ADA2: variants seen among roughly 807,000 people sequenced by gnomAD.
ADA2 encodes adenosine deaminase 2.
A neutral mutation model predicts 44.2 loss-of-function variants in ADA2; 29 were observed. The ratio of observed to expected loss-of-function variants is 0.66; its 90% confidence interval spans 0.49 to 0.89. The LOEUF (loss-of-function observed/expected upper bound fraction) is 0.89. ADA2 is among the 40% of genes least tolerant of loss of function. ADA2 has a pLI of 0.00. For missense variants in ADA2, 637 were observed against 644.8 expected, an observed-to-expected ratio of 0.99 and a Z score of 0.13; for synonymous variants, 215 against 234.9, an observed-to-expected ratio of 0.92 and a Z score of 0.77.
chr22:17,181,798 T>C (rs1247091032), intron 9 of ADA2, 22 bp downstream of exon 9: 1 of 1,603,842 alleles, frequency 6.2e-7, no homozygotes. Flanking sequence ...GCGGGGGACC[T>C]GGGAGGACAC....
At chr22:17,207,853 G>T (rs1213673457) in intron 2 of ADA2, among the ~76,000 whole-genome samples, 2 of 152,094 alleles carry the variant, frequency 1.3e-5, no homozygotes, top group African/African-American at 4.8e-5. Flanking sequence ...TCTCCCACTG[G>T]CTTTTCATCC....
intron 4 of ADA2, among the ~76,000 whole-genome samples, chr22:17,197,416 C>T (rs898187299): frequency 7.2e-5 from 11 of 152,020 alleles, no homozygotes; most frequent in African/African-American, 2.7e-4. Flanking sequence ...TGCATACCAC[C>T]ATACCTGGCT....
intron 4 of ADA2, chr22:17,198,553 A>C (rs2062223172): frequency 6.6e-6 from 1 of 152,226 alleles, no homozygotes; most frequent in African/African-American, 2.4e-5. Flanking sequence ...AGGCAAAAGC[A>C]TGGGGGCTGG....
chr22:17,207,219 G>A lies in ADA2; in HGVS notation c.394C>T (p.Pro132Ser), dbSNP rs2062363524. The change falls in exon 3 of 10, where the codon CCT (proline) becomes TCT (serine). Residue 132 changes from proline to serine, a missense_variant. Pro to Ser is a moderately conservative substitution (Grantham distance 74). Transcript: ENST00000399837. ...DWLVRNVTYR[P>S]HCHICFTPRG... ...GGGGTGAAACAGATGTGGCAGTGAG[G>A]CCTGTAGGTGACATTCCTCACCAGC... 6.2e-7 allele frequency: 1 copy of A among 1,614,006 alleles called. No individual in the cohort carries two copies. Among genetic ancestry groups the A allele is most frequent in the African/African-American group, 1.3e-5 (1 of 75,074 alleles).
At chr22:17,206,412 AGGC>A (rs1246956674) in intron 3 of ADA2, among the ~76,000 whole-genome samples, 3 of 25,992 alleles carry the variant, frequency 1.2e-4, no homozygotes, top group African/African-American at 3.9e-4. Flanking sequence ...AGCCAAGATC[AGGC>A]TGCTGTGAGC....
chr22:17,205,011 GTCTT>G (rs1011275445), intron 3 of ADA2, among the ~76,000 whole-genome samples: 16 of 149,984 alleles, frequency 1.1e-4, no homozygotes, highest in Non-Finnish European at 2.2e-4. Context: ...GCCCAGACTG[GTCTT>G]TCTTTCTTTC....
intron 4 of ADA2, among the ~76,000 whole-genome samples, chr22:17,194,332 T>C (rs188370089): frequency 6.6e-6 from 1 of 152,246 alleles, no homozygotes; most frequent in Non-Finnish European, 1.5e-5. Flanking sequence ...CCTCTGCTCA[T>C]TTCCCACCAG....
chr22:17,191,732 C>T lies in ADA2; in HGVS notation c.832G>A (p.Glu278Lys), dbSNP rs1224892373. Residue 278 changes from glutamate (E) to lysine (K), a missense_variant, in exon 5 of 10, where the codon GAA becomes AAA. Glu to Lys is a moderately conservative substitution (Grantham distance 56). Transcript: ENST00000399837. ...TYQEVAQKFV[E>K]THPEFIGIKI... is the part of the protein sequence containing the mutation. ...ATTCCAATAAACTCAGGGTGAGTTTCCACAAACTTCTGAGCTACTTCCTGG... is the reference window on the plus strand; with the variant it reads ...ATTCCAATAAACTCAGGGTGAGTTTTCACAAACTTCTGAGCTACTTCCTGG... The T allele has an allele frequency of 1.2e-6, 2 of 1,613,644 alleles. No individual in the cohort carries two copies. The highest frequency in any genetic ancestry group is 4.5e-5 in the East Asian group (2 of 44,884).
At chr22:17,216,767 A>AC (rs781086314) in intron 1 of ADA2, among the ~76,000 whole-genome samples, 1,925 of 103,382 alleles carry the variant, frequency 0.019, 21 homozygotes, top group East Asian at 0.032. Flanking sequence ...TCAAAAAAAA[A>AC]AAAAACACAC....
At position 17,181,468 on chromosome 22, in the gene ADA2, C is replaced by G. The variant is rs1464707020; in HGVS notation, c.*15G>C. 1.3e-6 allele frequency: 2 copies of G among 1,548,608 alleles called. No individual in the cohort carries two copies. Among genetic ancestry groups the G allele is most frequent in the East Asian group, 2.2e-5 (1 of 44,582 alleles). On this transcript the variant is annotated 3_prime_UTR_variant, in exon 10 of 10. Transcript: ENST00000399837. ...GTGCAAGAAGACAGCTTGTAGAGGGCTGGCTAGCTTCTCCTCACTTTGTAG... is the reference window on the plus strand; with the variant it reads ...GTGCAAGAAGACAGCTTGTAGAGGGGTGGCTAGCTTCTCCTCACTTTGTAG...
intron 4 of ADA2, among the ~76,000 whole-genome samples, chr22:17,194,711 CTGCCAGAGCG>C (rs2062168357): frequency 1.3e-5 from 2 of 152,116 alleles, no homozygotes; most frequent in East Asian, 3.9e-4. Context: ...AACTTTAAGG[CTGCCAGAGCG>C]TGCCAGAAGG....
chr22:17,193,265 G>C (rs909945732), intron 4 of ADA2: 1 of 710,820 alleles, frequency 1.4e-6, no homozygotes, highest in African/African-American at 1.9e-5. Flanking sequence ...CTGGTCATCA[G>C]AGTCACCAAC....
intron 4 of ADA2, among the ~76,000 whole-genome samples, chr22:17,195,484 G>A (rs1435693295): frequency 2.6e-5 from 4 of 151,700 alleles, no homozygotes; most frequent in Admixed American, 6.6e-5. Flanking sequence ...AGCTGAGATC[G>A]CGCCACTGCA....
chr22:17,194,105 G>T (rs1218793461), intron 4 of ADA2, among the ~76,000 whole-genome samples: 4 of 152,180 alleles, frequency 2.6e-5, no homozygotes, highest in Admixed American at 2.0e-4. Context: ...GTTGTGACTG[G>T]ATGGGTCAGA....
intron 3 of ADA2, among the ~76,000 whole-genome samples, chr22:17,204,506 C>T (rs1266675651): frequency 1.3e-5 from 2 of 151,944 alleles, no homozygotes; most frequent in African/African-American, 4.8e-5. Flanking sequence ...ATCCCAGTTA[C>T]TAGGGAGGCA....
intron 1 of ADA2, among the ~76,000 whole-genome samples, chr22:17,210,105 T>G (rs1478095463): frequency 2.0e-5 from 3 of 151,890 alleles, no homozygotes; most frequent in African/African-American, 7.3e-5. Context: ...TTAGACAGGA[T>G]GGTCACGATC....
At chr22:17,212,181 C>A (rs538079776) in intron 1 of ADA2, among the ~76,000 whole-genome samples, 2 of 151,618 alleles carry the variant, frequency 1.3e-5, no homozygotes, top group African/African-American at 4.8e-5. Flanking sequence ...CGTGCCACCA[C>A]GCCCGGCTAA....
chr22:17,218,421 C>T (rs1348278029), intron 1 of ADA2, among the ~76,000 whole-genome samples: 2 of 152,086 alleles, frequency 1.3e-5, no homozygotes, highest in African/African-American at 4.8e-5. Flanking sequence ...CAGCAGAACC[C>T]CTTTAACTTC....
intron 8 of ADA2, among the ~76,000 whole-genome samples, chr22:17,182,327 G>A (rs1278649475): frequency 3.9e-5 from 6 of 152,066 alleles, no homozygotes; most frequent in Non-Finnish European, 7.4e-5. Flanking sequence ...CCCATGGTCC[G>A]TCCCACTTCA....
Sources: gnomAD v4.1 joint callset for allele counts (sites outside exome capture counted in the v4.1 genomes callset) on GRCh38, gnomAD v4.1.1 for gene constraint, MANE v1.5 for transcripts, NCBI Gene and HGNC (gene_info 2026-07-23, HGNC 2026-07-21) for gene names.